Variants in DCLRE1C observed in about 807,000 individuals in gnomAD.
The protein encoded by DCLRE1C is protein artemis.
DCLRE1C carries 47 observed loss-of-function variants against 61.4 expected under a neutral mutation model. The observed-to-expected ratio is 0.77, with a 90% CI of 0.61 to 0.98. The LOEUF (loss-of-function observed/expected upper bound fraction) is 0.98, where lower values mean the gene tolerates loss of function less well. Ranked by LOEUF, DCLRE1C falls within the 50% of genes least tolerant of loss-of-function variation. The probability of loss-of-function intolerance (pLI) is 0.00; values close to 1 mark genes in which losing one functional copy is unlikely to be tolerated. For synonymous variants in DCLRE1C, 337 were observed against 287.6 expected (o/e 1.17, Z -1.74); for missense variants, 858 against 816.0 (o/e 1.05, Z -0.63).
rs41300680 is a variant in DCLRE1C, at chr10:14,907,688, G to GT, written c.*719dup. On this transcript the variant is annotated 3_prime_UTR_variant, in exon 14 of 14. Coordinates refer to ENST00000378278, the MANE Select transcript of DCLRE1C (RefSeq NM_001033855.3). ...CACTCCATTTTTAATTGTTTACATG[G>GT]TTTTTCCATCCTTTTAACCTATCAA... Among the ~76,000 whole-genome samples the GT allele has an allele frequency of 5.9e-3, 902 of 151,994 alleles. 71 individuals carry two copies. In the East Asian group the frequency reaches 0.15, roughly 25 times the overall value.
chr10:14,934,156 C>A (rs1373979449), intron 8 of DCLRE1C, among the ~76,000 whole-genome samples: 1 of 151,790 alleles, frequency 6.6e-6, no homozygotes, highest in Non-Finnish European at 1.5e-5. Flanking sequence ...GGTGAAATGT[C>A]GTCTGTGCTA....
At chr10:14,897,586 T>C in exon 14 of DCLRE1C, 1 of 1,330,238 alleles carries the variant, frequency 7.5e-7, no homozygotes, top group Non-Finnish European at 9.9e-7. Flanking sequence ...ATTACCTTTT[T>C]ATCTCTTTAA....
chr10:14,947,973 C>T (rs1390163767), intron 2 of DCLRE1C, among the ~76,000 whole-genome samples: 1 of 152,174 alleles, frequency 6.6e-6, no homozygotes, highest in Non-Finnish European at 1.5e-5. Flanking sequence ...GCAAAAGAAT[C>T]ACTCGAAAAG....
upstream of DCLRE1C, chr10:14,954,150 T>G: frequency 6.9e-7 from 1 of 1,451,224 alleles, no homozygotes; most frequent in South Asian, 1.2e-5. Flanking sequence ...ATCAGAGGAG[T>G]CCGGAGACCG....
At chr10:14,914,064 C>T (rs913360674) in intron 13 of DCLRE1C, among the ~76,000 whole-genome samples, 26 of 152,216 alleles carry the variant, frequency 1.7e-4, no homozygotes, top group African/African-American at 6.3e-4. Flanking sequence ...CAATGGGTAC[C>T]ATTAAACTAA....
Position 14,909,322 on chromosome 10 carries a change from C to A in DCLRE1C, c.1165G>T (p.Asp389Tyr), listed in dbSNP as rs1379146832. Reference sequence around the variant, plus strand: ...AGAGGATCATCAAAGAGATAGTCATCTTCCTCCTCTGTGGGACAAACAAAA... The same window carrying A: ...AGAGGATCATCAAAGAGATAGTCATATTCCTCCTCTGTGGGACAAACAAAA... ...RTVHRDSEEE[D>Y]DYLFDDPLPI... is the part of the protein sequence containing the mutation. The change falls in exon 14 of 14, where the codon GAT becomes TAT. Residue 389 changes from aspartate (D) to tyrosine (Y), a missense_variant. Transcript: ENST00000378278. The A allele has an allele frequency of 8.1e-6, 13 of 1,613,468 alleles. No homozygotes were observed. The highest frequency in any genetic ancestry group is 1.1e-5 in the Non-Finnish European group (13 of 1,179,968).
intron 6 of DCLRE1C, among the ~76,000 whole-genome samples, chr10:14,935,115 A>C (rs1340846891): frequency 6.6e-6 from 1 of 151,760 alleles, no homozygotes; most frequent in Non-Finnish European, 1.5e-5. Flanking sequence ...AGAACTCCCA[A>C]AGTGCTGGGA....
In DCLRE1C at chr10:14,904,938, C is replaced by A. The variant is rs1834269419; in HGVS notation, c.*3470G>T. ...GATGGTGATACATAATTAGTAATCT[C>A]AGGGTTTTTTCCCCCATATCTAAAA... On this transcript the variant is annotated 3_prime_UTR_variant, in exon 14 of 14. Transcript: ENST00000378278. 6.6e-6 allele frequency among the ~76,000 whole-genome samples: 1 copy of A among 152,198 alleles called. No homozygotes were observed. Among genetic ancestry groups the A allele is most frequent in the African/African-American group, 2.4e-5 (1 of 41,448 alleles).
intron 5 of DCLRE1C, among the ~76,000 whole-genome samples, chr10:14,935,978 G>A (rs143315613): frequency 7.2e-5 from 11 of 152,244 alleles, no homozygotes; most frequent in African/African-American, 2.4e-4. Flanking sequence ...GCTCAATCTT[G>A]GCTCACTGCA....
In DCLRE1C at chr10:14,922,702, C is replaced by T. The variant is rs191594646; in HGVS notation, c.1061+279G>A. Reference sequence around the variant, plus strand: ...TTCCTATTTTGCTGATTCAGAATGACTAGCTCAGAGAAGTGATCTGGCCAA... The same window carrying T: ...TTCCTATTTTGCTGATTCAGAATGATTAGCTCAGAGAAGTGATCTGGCCAA... On this transcript the variant is annotated intron_variant, in intron 12 of 13. Transcript: ENST00000378278. Among the ~76,000 whole-genome samples the T allele has an allele frequency of 2.1e-3, 322 of 152,226 alleles. 1 individual carries two copies. The highest frequency in any genetic ancestry group is 4.0e-3 in the Admixed American group (61 of 15,294).
intron 8 of DCLRE1C, 36 bp downstream of exon 8, chr10:14,934,338 AAAAAAG>A (rs766523702): frequency 1.3e-6 from 2 of 1,597,588 alleles, no homozygotes; most frequent in East Asian, 2.2e-5. Flanking sequence ...AAAAAAAAAA[AAAAAAG>A]AAAAAAGAAA....
In DCLRE1C at chr10:14,945,100, C is replaced by T. The variant is rs1233476724; in HGVS notation, c.246+5G>A. 1 of 1,606,626 alleles carries T rather than the reference C, an allele frequency of 6.2e-7. No individual in the cohort carries two copies. ...AAATTAAGTTATTAAAAAAATAAAA[C>T]TTACAATTCGTTTCTTCCAAAATCT... On this transcript the variant is annotated splice_donor_5th_base_variant and intron_variant, in intron 3 of 13. Coordinates refer to ENST00000378278, the MANE Select transcript of DCLRE1C (RefSeq NM_001033855.3).
chr10:14,939,232 T>C (rs1217982236), intron 4 of DCLRE1C, among the ~76,000 whole-genome samples: 1 of 151,264 alleles, frequency 6.6e-6, no homozygotes, highest in Non-Finnish European at 1.5e-5. Context: ...AGGTCAGGAG[T>C]TCAAGATGAG....
At chr10:14,916,410 A>T (rs774084035) in intron 13 of DCLRE1C, among the ~76,000 whole-genome samples, 1 of 152,362 alleles carries the variant, frequency 6.6e-6, no homozygotes, top group East Asian at 1.9e-4. Flanking sequence ...TCAAAAATCA[A>T]TTGCACAGGT....
intron 12 of DCLRE1C, among the ~76,000 whole-genome samples, chr10:14,922,032 T>A (rs190833613): frequency 1.5e-4 from 23 of 152,350 alleles, no homozygotes; most frequent in African/African-American, 5.5e-4. Context: ...CCATTGAGCT[T>A]GTGTGCTGCC....
At position 14,908,407 on chromosome 10, in the gene DCLRE1C, C is replaced by T. The variant is rs774453393; in HGVS notation, c.*1G>A. The T allele has an allele frequency of 2.5e-6, 4 of 1,612,136 alleles. No individual in the cohort carries two copies. The highest frequency in any genetic ancestry group is 3.4e-6 in the Non-Finnish European group (4 of 1,178,588). ...GCTCTAGGTTGAAACGCTTTGAATTCTTAGGTATCTAAGAGTGAGCATTTT... is the reference window on the plus strand; with the variant it reads ...GCTCTAGGTTGAAACGCTTTGAATTTTTAGGTATCTAAGAGTGAGCATTTT... On this transcript the variant is annotated 3_prime_UTR_variant, in exon 14 of 14. Transcript: ENST00000378278.
chr10:14,926,142 T>A (rs1837936554), intron 11 of DCLRE1C, among the ~76,000 whole-genome samples: 1 of 152,158 alleles, frequency 6.6e-6, no homozygotes, highest in African/African-American at 2.4e-5. Flanking sequence ...CTCGGGCATG[T>A]CCTTAGAGCA....
At chr10:14,939,305 G>A (rs41296998) in intron 4 of DCLRE1C, among the ~76,000 whole-genome samples, 13 of 152,100 alleles carry the variant, frequency 8.5e-5, no homozygotes, top group South Asian at 6.2e-4. Flanking sequence ...GGCTCTGGTC[G>A]TGGTGGCAGG....
At chr10:14,935,853 T>C (rs958738508) in intron 5 of DCLRE1C, among the ~76,000 whole-genome samples, 4 of 152,180 alleles carry the variant, frequency 2.6e-5, no homozygotes, top group Admixed American at 2.0e-4. Flanking sequence ...GAGAGAGAAA[T>C]ACACGTGATG....
Sources: gnomAD v4.1 joint callset for allele counts (sites outside exome capture counted in the v4.1 genomes callset) on GRCh38, gnomAD v4.1.1 for gene constraint, MANE v1.5 for transcripts, NCBI Gene and HGNC (gene_info 2026-07-23, HGNC 2026-07-21) for gene names.